ZNF540: variants seen among roughly 807,000 people sequenced by gnomAD.
The protein encoded by ZNF540 is CTD-3064H18.6.
In ZNF540, 3 loss-of-function variants were observed where a neutral mutation model predicts 11.8. The observed-to-expected ratio is 0.25, with a 90% CI of 0.12 to 0.65. ZNF540 has a LOEUF of 0.65. Among genes scored for constraint, ZNF540 ranks in the 30% least tolerant of loss-of-function variants. The probability of loss-of-function intolerance (pLI) is 0.83; values close to 1 mark genes in which losing one functional copy is unlikely to be tolerated. For synonymous variants in ZNF540, 247 were observed against 259.0 expected, an observed-to-expected ratio of 0.95 and a Z score of 0.45; for missense variants, 709 against 793.1, an observed-to-expected ratio of 0.89 and a Z score of 1.27.
chr19:37,598,481 T>C (rs368389121), intron 2 of ZNF540, 25 bp downstream of exon 2: 8 of 1,613,056 alleles, frequency 5.0e-6, no homozygotes, highest in Non-Finnish European at 6.8e-6. Context: ...CTCTTTCCTT[T>C]TTAGATTATT....
chr19:37,600,176 A>G (rs2044028212), intron 3 of ZNF540, among the ~76,000 whole-genome samples: 1 of 152,216 alleles, frequency 6.6e-6, no homozygotes, highest in Non-Finnish European at 1.5e-5. Context: ...GACCAATAAC[A>G]TTGATTTAAA....
At chr19:37,609,762 C>T (rs1343423490) in intron 4 of ZNF540, among the ~76,000 whole-genome samples, 2 of 151,840 alleles carry the variant, frequency 1.3e-5, no homozygotes, top group Non-Finnish European at 2.9e-5. Flanking sequence ...GCAGGAGAAT[C>T]GCTTGAACCT....
intron 4 of ZNF540, among the ~76,000 whole-genome samples, chr19:37,605,758 CT>C (rs2044080787): frequency 6.6e-6 from 1 of 152,240 alleles, no homozygotes; most frequent in South Asian, 2.1e-4. Flanking sequence ...TCATTTTAAT[CT>C]TAGTCATTTT....
intron 1 of ZNF540, chr19:37,560,768 TTGTC>T (rs1374710425): frequency 1.3e-5 from 2 of 152,200 alleles, no homozygotes; most frequent in South Asian, 2.1e-4. Flanking sequence ...GCAACCACTT[TTGTC>T]TGTCTTAGTA....
Position 37,564,601 on chromosome 19 carries a change from A to G in ZNF540, c.-73+12936A>G, listed in dbSNP as rs573983222. Reference sequence around the variant, plus strand: ...TTTAATCACATTCAAGGCTTTCTCAATTATGAAGCCTTGTATGTTGAGTAA... The same window carrying G: ...TTTAATCACATTCAAGGCTTTCTCAGTTATGAAGCCTTGTATGTTGAGTAA... On this transcript the variant is annotated intron_variant, in intron 1 of 4. Transcript: ENST00000592533. The G allele has an allele frequency of 5.5e-5, 82 of 1,502,110 alleles. 3 individuals are homozygous for G. The South Asian group carries it at 9.9e-4, about 18-fold the overall frequency. The allele number at this position is 1,502,110 out of a possible 1,614,324, so 93.0% of individuals were successfully genotyped here.
At position 37,553,945 on chromosome 19, in the gene ZNF540, C is replaced by A. The variant is rs58373181; in HGVS notation, c.-73+2280C>A. On this transcript the variant is annotated intron_variant, in intron 1 of 4. Coordinates refer to the ZNF540 transcript ENST00000592533. The stretch of plus-strand genomic sequence containing the variant: ...CATTCGTATGTATGAATCCATGTTT[C>A]CATCTGCATTTGTTGGTGATGAATT... 3.2e-3 allele frequency among the ~76,000 whole-genome samples: 491 copies of A among 152,292 alleles called. 4 individuals carry two copies. The highest frequency in any genetic ancestry group is 0.012 in the African/African-American group (484 of 41,558).
chr19:37,611,634 T>G lies in ZNF540; in HGVS notation c.354T>G (p.Phe118Leu). Reference protein sequence around the residue: ...SKTLRLKGSIFRNEWQNKSEF... With the variant: ...SKTLRLKGSILRNEWQNKSEF... ...CTCTTCGTCTGAAAGGATCCATTTT[T>G]AGAAATGAGTGGCAGAACAAAAGTG... Residue 118 changes from phenylalanine (F) to leucine (L), a missense_variant, in exon 5 of 5, where the codon TTT becomes TTG. Coordinates refer to ENST00000316433, the MANE Select transcript of ZNF540 (RefSeq NM_001172225.3). 1.2e-6 allele frequency: 2 copies of G among 1,614,010 alleles called. No homozygotes were observed. Among genetic ancestry groups the G allele is most frequent in the Non-Finnish European group, 1.7e-6 (2 of 1,179,970 alleles).
intron 1 of ZNF540, among the ~76,000 whole-genome samples, chr19:37,577,131 G>A (rs1346359717): frequency 6.6e-6 from 1 of 152,016 alleles, no homozygotes; most frequent in Admixed American, 6.5e-5. Flanking sequence ...AAGGCGAAAG[G>A]AAAATTTCAT....
intron 1 of ZNF540, among the ~76,000 whole-genome samples, chr19:37,568,427 C>T (rs1013802650): frequency 6.6e-6 from 1 of 151,368 alleles, no homozygotes; most frequent in East Asian, 2.0e-4. Flanking sequence ...CATAGAAGAA[C>T]AATATGGTTT....
upstream of ZNF540, among the ~76,000 whole-genome samples, chr19:37,590,432 A>G (rs1170123133): frequency 1.2e-5 from 1 of 83,488 alleles, no homozygotes; most frequent in African/African-American, 3.2e-5. Context: ...AAAGAAGAAG[A>G]AAAAAAAAGC....
intron 1 of ZNF540, among the ~76,000 whole-genome samples, chr19:37,577,443 TAGG>T (rs1354751266): frequency 1.3e-5 from 2 of 152,104 alleles, no homozygotes; most frequent in Non-Finnish European, 2.9e-5. Flanking sequence ...ACATAAAGTA[TAGG>T]AGAAGGGAAT....
intron 4 of ZNF540, among the ~76,000 whole-genome samples, chr19:37,602,073 T>C (rs2044043499): frequency 6.6e-6 from 1 of 152,156 alleles, no homozygotes; most frequent in Non-Finnish European, 1.5e-5. Context: ...AGATTAGCAG[T>C]GAAGGTAGCT....
At chr19:37,576,372 A>G (rs1293721777) in intron 1 of ZNF540, among the ~76,000 whole-genome samples, 2 of 152,214 alleles carry the variant, frequency 1.3e-5, no homozygotes, top group Non-Finnish European at 2.9e-5. Context: ...ACTTGCAACT[A>G]TCTGCATTCT....
intron 1 of ZNF540, among the ~76,000 whole-genome samples, chr19:37,552,233 T>G (rs1320597757): frequency 6.6e-6 from 1 of 152,248 alleles, no homozygotes; most frequent in Non-Finnish European, 1.5e-5. Flanking sequence ...CTACTGTGGT[T>G]AGAAAACAGA....
intron 1 of ZNF540, among the ~76,000 whole-genome samples, chr19:37,554,329 C>T (rs2042638162): frequency 6.6e-6 from 1 of 152,200 alleles, no homozygotes; most frequent in African/African-American, 2.4e-5. Flanking sequence ...TTTCTTTTTT[C>T]CCTGAGGCTT....
chr19:37,586,609 G>C, intron 1 of ZNF540: 1 of 1,596,254 alleles, frequency 6.3e-7, no homozygotes, highest in Non-Finnish European at 8.6e-7. Flanking sequence ...GATAAATCTG[G>C]TGTTCACATT....
chr19:37,591,795 C>G (rs1252400427), upstream of ZNF540, among the ~76,000 whole-genome samples: 1 of 152,098 alleles, frequency 6.6e-6, no homozygotes, highest in Non-Finnish European at 1.5e-5. Context: ...TCGCCTGCCT[C>G]GGCCTCCCAA....
rs2306200 is a variant in ZNF540, at chr19:37,586,895, G to C, written c.-72-11481G>C. ...CAATGGAAGCCAGCTACTGCAGAAG[G>C]GGTTCAGGCAGACCTTTCCTTAATG... On this transcript the variant is annotated intron_variant, in intron 1 of 4. Transcript: ENST00000592533. The C allele has an allele frequency of 6.0e-3, 3,496 of 583,818 alleles. 85 individuals carry two copies. Among genetic ancestry groups the C allele is most frequent in the Admixed American group, 0.048 (1,509 of 31,464 alleles). 36.2% of individuals were successfully genotyped at this position (583,818 alleles called of 1,614,324 possible).
At chr19:37,567,617 G>C (rs1044048068) in intron 1 of ZNF540, 5 of 152,144 alleles carry the variant, frequency 3.3e-5, no homozygotes, top group Non-Finnish European at 7.3e-5. Flanking sequence ...TCCCATTTTA[G>C]ATTTTCCATA....
Sources: gnomAD v4.1 joint callset for allele counts (sites outside exome capture counted in the v4.1 genomes callset) on GRCh38, gnomAD v4.1.1 for gene constraint, MANE v1.5 for transcripts, NCBI Gene and HGNC (gene_info 2026-07-23, HGNC 2026-07-21) for gene names.